NRXN3: variants seen among roughly 807,000 people sequenced by gnomAD.
NRXN3 encodes the protein neurexin III.
NRXN3 carries 32 observed loss-of-function variants against 137.6 expected under a neutral mutation model. The ratio of observed to expected loss-of-function variants is 0.23; its 90% CI spans 0.18 to 0.31. The LOEUF (loss-of-function observed/expected upper bound fraction) is 0.31. Ranked by LOEUF, NRXN3 falls within the 10% of genes least tolerant of loss-of-function variation. The pLI is 1.00. For synonymous variants in NRXN3, 798 were observed against 784.5 expected, an observed-to-expected ratio of 1.02 and a Z score of -0.29; for missense variants, 1,574 against 2,062.5, an observed-to-expected ratio of 0.76 and a Z score of 4.59.
At chr14:78,515,916 A>C (rs1567814831) in intron 4 of NRXN3, among the ~76,000 whole-genome samples, 1 of 152,176 alleles carries the variant, frequency 6.6e-6, no homozygotes, top group Non-Finnish European at 1.5e-5. Context: ...CTAGAATCCA[A>C]ATTGGATGAG....
At chr14:79,390,272 G>C (rs1399045019) in intron 15 of NRXN3, among the ~76,000 whole-genome samples, 1 of 148,788 alleles carries the variant, frequency 6.7e-6, no homozygotes, top group Admixed American at 6.8e-5. Context: ...AGTAGAGATC[G>C]CGCCACTGCA....
chr14:79,029,678 T>A (rs1382995101), intron 15 of NRXN3, among the ~76,000 whole-genome samples: 1 of 152,126 alleles, frequency 6.6e-6, no homozygotes, highest in African/African-American at 2.4e-5. Context: ...TAGCTGCCAG[T>A]AGTAGCCTCC....
At chr14:78,726,859 A>T (rs992352364) in intron 8 of NRXN3, among the ~76,000 whole-genome samples, 1 of 151,700 alleles carries the variant, frequency 6.6e-6, no homozygotes, top group Non-Finnish European at 1.5e-5. Flanking sequence ...GGTGGCATAA[A>T]GCACATTCAC....
rs570167853 is a variant in NRXN3, at chr14:79,052,370, A to T, written c.3262+64229A>T. Among the ~76,000 whole-genome samples the T allele has an allele frequency of 2.4e-4, 37 of 152,324 alleles. No homozygotes were observed. The South Asian group carries it at 7.7e-3, about 32-fold the overall frequency. ...CTCATAGTTCATGTTGTTACAAAGA[A>T]CTAAAGCTGATTTTTCAGAGTACCA... is the stretch of plus-strand genomic sequence containing the variant. On this transcript the variant is annotated intron_variant, in intron 15 of 20. Coordinates refer to ENST00000335750, the MANE Select transcript of NRXN3 (RefSeq NM_001330195.2).
chr14:79,340,051 A>G (rs2092510169), intron 15 of NRXN3, among the ~76,000 whole-genome samples: 1 of 152,108 alleles, frequency 6.6e-6, no homozygotes, highest in Admixed American at 6.5e-5. Flanking sequence ...ACAGTATGGC[A>G]TTAGATTGTC....
At chr14:78,568,784 C>T (rs1216146183) in intron 4 of NRXN3, among the ~76,000 whole-genome samples, 1 of 151,854 alleles carries the variant, frequency 6.6e-6, no homozygotes, top group Admixed American at 6.6e-5. Context: ...TGTGTCACAC[C>T]CTCCAGGGAA....
At chr14:78,590,045 G>A (rs2097102768) in intron 4 of NRXN3, among the ~76,000 whole-genome samples, 3 of 152,168 alleles carry the variant, frequency 2.0e-5, no homozygotes, top group Admixed American at 1.3e-4. Flanking sequence ...GAAGGAAGGG[G>A]GATCGAAACC....
At position 79,619,955 on chromosome 14, in the gene NRXN3, A is replaced by G. The variant is rs376997856; in HGVS notation, c.3445-43823A>G. Among the ~76,000 whole-genome samples the G allele has an allele frequency of 1.3e-3, 194 of 152,202 alleles. 4 individuals carry two copies. In the South Asian group the frequency reaches 0.038, roughly 29 times the overall value. ...GGGACCATTTGTTTTTATTTTCAAAAAGCTCTATGAAGTGATTTGGATGTA... is the reference window on the plus strand; with the variant it reads ...GGGACCATTTGTTTTTATTTTCAAAGAGCTCTATGAAGTGATTTGGATGTA... On this transcript the variant is annotated intron_variant, in intron 16 of 20. Coordinates refer to ENST00000335750, the MANE Select transcript of NRXN3 (RefSeq NM_001330195.2).
At chr14:78,391,484 C>G (rs1165739643) in intron 4 of NRXN3, among the ~76,000 whole-genome samples, 1 of 152,000 alleles carries the variant, frequency 6.6e-6, no homozygotes, top group Non-Finnish European at 1.5e-5. Context: ...CCCACAGAGA[C>G]CACTCACTCA....
chr14:79,676,301 C>T (rs2098640377), intron 17 of NRXN3, among the ~76,000 whole-genome samples: 2 of 151,496 alleles, frequency 1.3e-5, no homozygotes, highest in Admixed American at 6.6e-5. Flanking sequence ...TGTGCATATG[C>T]CTAAAACCAT....
At chr14:78,307,320 T>C (rs1214205997) in intron 4 of NRXN3, among the ~76,000 whole-genome samples, 2 of 152,164 alleles carry the variant, frequency 1.3e-5, no homozygotes, top group Non-Finnish European at 2.9e-5. Context: ...TTTTTCTTTA[T>C]TGGTTGATTT....
chr14:78,445,004 GTAAGTT>G (rs2153700148), intron 4 of NRXN3, among the ~76,000 whole-genome samples: 2 of 149,072 alleles, frequency 1.3e-5, no homozygotes, highest in South Asian at 4.4e-4. Flanking sequence ...AAGGCAGGTT[GTAAGTT>G]TAAGTGAGTA....
chr14:78,976,384 T>G (rs58332929), intron 14 of NRXN3, among the ~76,000 whole-genome samples: 14,385 of 152,162 alleles, frequency 0.095, 718 homozygotes, highest in African/African-American at 0.13. Context: ...TGGATCTGGG[T>G]GCTAAGTGCT....
chr14:79,148,212 G>A (rs2059477423), intron 15 of NRXN3, among the ~76,000 whole-genome samples: 1 of 152,098 alleles, frequency 6.6e-6, no homozygotes, highest in Non-Finnish European at 1.5e-5. Flanking sequence ...GATGGGAGGA[G>A]GGTTTACTGG....
At chr14:79,095,362 G>A (rs2050114995) in intron 15 of NRXN3, among the ~76,000 whole-genome samples, 1 of 152,104 alleles carries the variant, frequency 6.6e-6, no homozygotes, top group Admixed American at 6.6e-5. Context: ...AGTTAGCTAT[G>A]CTTTTCCCTT....
At chr14:78,473,609 T>C (rs1003706370) in intron 4 of NRXN3, among the ~76,000 whole-genome samples, 2 of 152,140 alleles carry the variant, frequency 1.3e-5, no homozygotes, top group African/African-American at 4.8e-5. Context: ...CCATGAAACT[T>C]AGTGGCTTTA....
chr14:79,122,027 G>C (rs1264206569), intron 15 of NRXN3, among the ~76,000 whole-genome samples: 1 of 152,120 alleles, frequency 6.6e-6, no homozygotes, highest in Non-Finnish European at 1.5e-5. Context: ...TCTTCTCAGA[G>C]GATGATCATT....
intron 16 of NRXN3, among the ~76,000 whole-genome samples, chr14:79,595,483 A>G (rs2097850717): frequency 6.6e-6 from 1 of 152,200 alleles, no homozygotes; most frequent in South Asian, 2.1e-4. Context: ...GCTAGTATGA[A>G]TAAGCAGATA....
chr14:78,915,345 CAAA>C (rs35908076), intron 10 of NRXN3, among the ~76,000 whole-genome samples: 277 of 11,088 alleles, frequency 0.025, 1 homozygote, highest in African/African-American at 0.072. Context: ...ACGTGTGAAG[CAAA>C]AAAAAAAAAA....
Sources: gnomAD v4.1 joint callset for allele counts (sites outside exome capture counted in the v4.1 genomes callset) on GRCh38, gnomAD v4.1.1 for gene constraint, MANE v1.5 for transcripts, NCBI Gene and HGNC (gene_info 2026-07-23, HGNC 2026-07-21) for gene names.